Variants in SPIDR observed in about 807,000 individuals in gnomAD.
SPIDR encodes scaffold protein involved in DNA repair.
In SPIDR, 93 loss-of-function variants were observed where a neutral mutation model predicts 104.6. The ratio of observed to expected loss-of-function variants is 0.89; its 90% CI spans 0.75 to 1.06. The LOEUF (loss-of-function observed/expected upper bound fraction) is 1.06. Ranked by LOEUF, SPIDR falls within the 50% of genes least tolerant of loss-of-function variation. The pLI, the probability that SPIDR is intolerant of heterozygous loss-of-function variation, is 0.00. For synonymous variants in SPIDR, 431 were observed against 416.9 expected (o/e 1.03, Z -0.41); for missense variants, 1,154 against 1,111.2 (o/e 1.04, Z -0.55).
intron 5 of SPIDR, among the ~76,000 whole-genome samples, chr8:47,365,976 GCACACACACACA>G (rs59590542): frequency 6.7e-6 from 1 of 148,704 alleles, no homozygotes; most frequent in Non-Finnish European, 1.5e-5. Context: ...ACATGCACAA[GCACACACACACA>G]CACACACACA....
intron 5 of SPIDR, among the ~76,000 whole-genome samples, chr8:47,355,341 A>C (rs2054335428): frequency 7.4e-6 from 1 of 135,428 alleles, no homozygotes; most frequent in South Asian, 2.2e-4. Flanking sequence ...TTTTTTGCTC[A>C]TGTCTGGTAA....
chr8:47,386,892 AAG>A (rs376045910), intron 5 of SPIDR, among the ~76,000 whole-genome samples: 53 of 70,698 alleles, frequency 7.5e-4, no homozygotes, highest in South Asian at 5.0e-3. Flanking sequence ...GAGAGAGAGA[AAG>A]AGAGAGAGAG....
chr8:47,570,876 A>G (rs1383803973), intron 8 of SPIDR, among the ~76,000 whole-genome samples: 1 of 152,136 alleles, frequency 6.6e-6, no homozygotes, highest in Non-Finnish European at 1.5e-5. Context: ...GCGGATCACA[A>G]GGTCAGGAGT....
intron 7 of SPIDR, among the ~76,000 whole-genome samples, chr8:47,427,114 A>C (rs1255423691): frequency 6.6e-6 from 1 of 152,050 alleles, no homozygotes; most frequent in South Asian, 2.1e-4. Flanking sequence ...CTATTTCCAT[A>C]TTCTGATGAT....
intron 8 of SPIDR, among the ~76,000 whole-genome samples, chr8:47,534,745 T>C (rs950533001): frequency 2.6e-5 from 4 of 152,118 alleles, no homozygotes; most frequent in African/African-American, 9.7e-5. Context: ...TGTTTACCTA[T>C]GTAACAAACC....
chr8:47,727,465 C>T (rs2084429077), intron 17 of SPIDR, among the ~76,000 whole-genome samples, 172 bp downstream of exon 17: 1 of 152,190 alleles, frequency 6.6e-6, no homozygotes, highest in Non-Finnish European at 1.5e-5. Context: ...GTGGGTTTTC[C>T]TTACTGAGAT....
At chr8:47,345,983 A>G (rs1386287416) in intron 5 of SPIDR, among the ~76,000 whole-genome samples, 1 of 152,208 alleles carries the variant, frequency 6.6e-6, no homozygotes, top group Non-Finnish European at 1.5e-5. Flanking sequence ...TGCCGTGGCC[A>G]GAATTTCTAA....
chr8:47,678,371 G>T (rs1230276984), intron 11 of SPIDR, among the ~76,000 whole-genome samples: 2 of 152,160 alleles, frequency 1.3e-5, no homozygotes, highest in Non-Finnish European at 2.9e-5. Context: ...ATTGGGATAG[G>T]GCCACAAGGC....
At chr8:47,341,637 C>A (rs929837864) in intron 5 of SPIDR, among the ~76,000 whole-genome samples, 2 of 152,142 alleles carry the variant, frequency 1.3e-5, no homozygotes, top group African/African-American at 2.4e-5. Context: ...TGGATCTCCA[C>A]CCCTGTGTTT....
chr8:47,339,331 G>A (rs1372421434), intron 5 of SPIDR, among the ~76,000 whole-genome samples: 3 of 152,098 alleles, frequency 2.0e-5, no homozygotes, highest in Non-Finnish European at 4.4e-5. Flanking sequence ...TTTTTCTATG[G>A]AGAACTAACC....
At chr8:47,549,945 A>T (rs937945379) in intron 8 of SPIDR, among the ~76,000 whole-genome samples, 13 of 152,312 alleles carry the variant, frequency 8.5e-5, no homozygotes, top group African/African-American at 2.6e-4. Flanking sequence ...TTTTTGTATA[A>T]GGTGTAAAGA....
chr8:47,730,849 C>T (rs1402598466), intron 19 of SPIDR, among the ~76,000 whole-genome samples: 2 of 152,200 alleles, frequency 1.3e-5, no homozygotes, highest in African/African-American at 4.8e-5. Context: ...TGTCCTCTCT[C>T]ATCTAAACCA....
chr8:47,538,140 A>T (rs1263839302), intron 8 of SPIDR, among the ~76,000 whole-genome samples: 1 of 152,162 alleles, frequency 6.6e-6, no homozygotes, highest in Non-Finnish European at 1.5e-5. Context: ...GTGCCACTGT[A>T]TTCCAGCCTG....
intron 5 of SPIDR, among the ~76,000 whole-genome samples, chr8:47,318,165 G>A (rs1279133874): frequency 1.3e-5 from 2 of 152,134 alleles, no homozygotes; most frequent in Admixed American, 6.6e-5. Context: ...GAGGAAGTTC[G>A]AACCCATGGC....
chr8:47,495,303 T>C (rs1169483265), intron 8 of SPIDR, among the ~76,000 whole-genome samples: 4 of 151,880 alleles, frequency 2.6e-5, no homozygotes, highest in Admixed American at 2.6e-4. Flanking sequence ...TCAGTCTTTG[T>C]CTCCTTGTCC....
intron 8 of SPIDR, among the ~76,000 whole-genome samples, chr8:47,456,989 CT>C (rs2073093885): frequency 6.6e-6 from 1 of 152,130 alleles, no homozygotes; most frequent in Non-Finnish European, 1.5e-5. Context: ...ACCACAGTTT[CT>C]TTATTGACTC....
intron 5 of SPIDR, among the ~76,000 whole-genome samples, chr8:47,360,230 A>C (rs989260315): frequency 2.5e-5 from 3 of 119,930 alleles, no homozygotes; most frequent in Non-Finnish European, 5.0e-5. Flanking sequence ...CAACAACAGA[A>C]TGAGACTCCA....
chr8:47,360,868 T>C (rs1195924201), intron 5 of SPIDR: 10 of 985,368 alleles, frequency 1.0e-5, no homozygotes, highest in Non-Finnish European at 1.2e-5. Flanking sequence ...TTGGACGTGC[T>C]GGACCACAGA....
intron 8 of SPIDR, among the ~76,000 whole-genome samples, chr8:47,557,158 C>T (rs2091422876): frequency 6.6e-6 from 1 of 152,056 alleles, no homozygotes; most frequent in Non-Finnish European, 1.5e-5. Flanking sequence ...CTCATAGCCA[C>T]ATTTATAATA....
Sources: gnomAD v4.1 joint callset for allele counts (sites outside exome capture counted in the v4.1 genomes callset) on GRCh38, gnomAD v4.1.1 for gene constraint, MANE v1.5 for transcripts, NCBI Gene and HGNC (gene_info 2026-07-23, HGNC 2026-07-21) for gene names.